Variants in ASH1L observed in about 807,000 individuals in gnomAD.
ASH1L encodes the protein histone-lysine N-methyltransferase ASH1L.
Under a neutral mutation model 269.0 loss-of-function variants are expected in ASH1L, and 23 were observed. The ratio of observed to expected loss-of-function variants is 0.09; its 90% CI spans 0.06 to 0.12. The LOEUF is 0.12. ASH1L is among the 10% of genes least tolerant of loss of function. The probability of loss-of-function intolerance (pLI) is 1.00; values close to 1 mark genes in which losing one functional copy is unlikely to be tolerated. For synonymous variants in ASH1L, 1,187 were observed against 1,253.5 expected (o/e 0.95, Z 1.12); for missense variants, 2,912 against 3,567.8 (o/e 0.82, Z 4.68).
In ASH1L at chr1:155,521,577, T is replaced by TA. The variant is rs1443653124; in HGVS notation, c.-59dup. 10 of 1,494,260 alleles carry TA rather than the reference T, an allele frequency of 6.7e-6. No individual in the cohort carries two copies. The highest frequency in any genetic ancestry group is 4.4e-5 in the Admixed American group (2 of 45,778). The allele number at this position is 1,494,260 out of a possible 1,614,324, so 92.6% of individuals were successfully genotyped here. On this transcript the variant is annotated 5_prime_UTR_variant, in exon 2 of 28. The change abolishes the stop of an existing upstream ORF in the 5' untranslated region. Coordinates refer to ENST00000392403, the MANE Select transcript of ASH1L (RefSeq NM_018489.3). Reference sequence around the variant, plus strand: ...GAAAATTTTACAGAACTGTGTTCCATAAAAAACAAGGATCTCCAAAACTCG... The same window carrying TA: ...GAAAATTTTACAGAACTGTGTTCCATAAAAAAACAAGGATCTCCAAAACTCG...
rs1290886393 is a variant in ASH1L at position 155,478,095 on chromosome 1, G to A, written c.4775C>T (p.Thr1592Ile). The change falls in exon 3 of 28, where the codon ACT (threonine) becomes ATT (isoleucine). Residue 1592 changes from threonine to isoleucine, a missense_variant. By Grantham distance (89) the Thr-to-Ile change is moderately conservative (BLOSUM62 -1). Coordinates refer to ENST00000392403, the MANE Select transcript of ASH1L (RefSeq NM_018489.3). The surrounding 1 kb of genome is among the most constrained non-coding windows in gnomAD (Gnocchi z 4.6). ...ACTGCTGGCTGGCTCAGAGTTGGGA[G>A]TGAATCCTCCAAGGGATAAGCTTGG... ...SSPSLSLGGF[T>I]PNSEPASSDE... is the part of the protein sequence containing the mutation. 1.2e-6 allele frequency: 2 copies of A among 1,614,160 alleles called. No individual in the cohort carries two copies. Among genetic ancestry groups the A allele is most frequent in the East Asian group, 4.5e-5 (2 of 44,876 alleles).
At chr1:155,358,371 TC>T (rs1195044344) in intron 13 of ASH1L, among the ~76,000 whole-genome samples, 1 of 151,948 alleles carries the variant, frequency 6.6e-6, no homozygotes, top group African/African-American at 2.4e-5. Flanking sequence ...AACTGTCCTC[TC>T]CTATATACTT....
At chr1:155,438,279 T>C in intron 5 of ASH1L, 48 bp downstream of exon 5, 1 of 1,493,458 alleles carries the variant, frequency 6.7e-7, no homozygotes, top group Non-Finnish European at 8.9e-7. Context: ...TTACAGTTTT[T>C]CAAAGCTAGT....
At chr1:155,489,499 G>C (rs1267988267) in intron 2 of ASH1L, among the ~76,000 whole-genome samples, 1 of 150,658 alleles carries the variant, frequency 6.6e-6, no homozygotes, top group Non-Finnish European at 1.5e-5. Context: ...GGCTGGGCAC[G>C]GTGGCTCACA....
At chr1:155,392,664 T>C (rs759289294) in intron 7 of ASH1L, among the ~76,000 whole-genome samples, 6 of 152,032 alleles carry the variant, frequency 3.9e-5, no homozygotes, top group Non-Finnish European at 7.4e-5. Flanking sequence ...AATTTTTGTA[T>C]TTTTAGTGCA....
chr1:155,409,782 T>C (rs1553253086), intron 6 of ASH1L, among the ~76,000 whole-genome samples: 1 of 152,124 alleles, frequency 6.6e-6, no homozygotes, highest in Non-Finnish European at 1.5e-5. Flanking sequence ...CAAGATTTTT[T>C]TAAACCTAAA....
At chr1:155,349,677 C>T in intron 17 of ASH1L, 81 bp from the exon 18 acceptor site, 4 of 1,193,650 alleles carry the variant, frequency 3.4e-6, no homozygotes, top group Non-Finnish European at 4.8e-6. Context: ...GAATAGAATC[C>T]CTCAAATTAA....
intron 19 of ASH1L, among the ~76,000 whole-genome samples, chr1:155,348,497 G>C (rs1345658927): frequency 6.6e-6 from 1 of 151,908 alleles, no homozygotes; most frequent in Admixed American, 6.6e-5. Flanking sequence ...AGTCCATCCT[G>C]TCCTTTAAAT....
chr1:155,481,369 T>C lies in ASH1L; in HGVS notation c.1501A>G (p.Ile501Val). 1 of 1,614,170 alleles carries C rather than the reference T, an allele frequency of 6.2e-7. No individual in the cohort carries two copies. The highest frequency in any genetic ancestry group is 2.2e-5 in the East Asian group (1 of 44,890). ...EKEMFNEGTC[I>V]QQDSFSSSEK... ...CTGGATGAGAAACTGTCTTGCTGAATGCATGTTCCTTCATTAAACATTTCT... is the reference window on the plus strand; with the variant it reads ...CTGGATGAGAAACTGTCTTGCTGAACGCATGTTCCTTCATTAAACATTTCT... Residue 501 changes from isoleucine (I) to valine (V), a missense_variant, in exon 3 of 28, where the codon ATT becomes GTT. Physicochemically the swap from Ile to Val is conservative, Grantham distance 29. Transcript: ENST00000392403.
intron 13 of ASH1L, among the ~76,000 whole-genome samples, chr1:155,359,678 CA>C (rs200837977): frequency 0.011 from 1,745 of 152,206 alleles, 36 homozygotes; most frequent in African/African-American, 0.039. Context: ...CGGGCTCAAG[CA>C]ATCTTCCCAC....
At chr1:155,492,419 G>A (rs533642904) in intron 2 of ASH1L, among the ~76,000 whole-genome samples, 7 of 152,130 alleles carry the variant, frequency 4.6e-5, no homozygotes, top group Non-Finnish European at 1.0e-4. Flanking sequence ...TTATTTTTCG[G>A]TTTCTTTTCG....
At chr1:155,404,982 C>A (rs561264219) in intron 6 of ASH1L, among the ~76,000 whole-genome samples, 6 of 151,276 alleles carry the variant, frequency 4.0e-5, no homozygotes. Context: ...AAGCTGAGAC[C>A]GCACCACTGC....
intron 2 of ASH1L, among the ~76,000 whole-genome samples, chr1:155,486,479 A>G (rs756069782): frequency 1.8e-4 from 27 of 152,204 alleles, no homozygotes; most frequent in Non-Finnish European, 2.4e-4. Context: ...TGTTGACAGC[A>G]CAACAGTGTG....
intron 15 of ASH1L, among the ~76,000 whole-genome samples, chr1:155,355,647 G>C (rs1220551381): frequency 6.6e-6 from 1 of 152,184 alleles, no homozygotes; most frequent in Non-Finnish European, 1.5e-5. Context: ...GTTTTTCAAA[G>C]TTCCCCATGC....
At chr1:155,461,803 T>G (rs1570885887) in intron 3 of ASH1L, among the ~76,000 whole-genome samples, 1 of 73,162 alleles carries the variant, frequency 1.4e-5, no homozygotes, top group Non-Finnish European at 3.1e-5. Flanking sequence ...GGTTTGAGGG[T>G]TTTTTTTTTT....
chr1:155,351,461 G>A (rs1264229908), intron 17 of ASH1L, among the ~76,000 whole-genome samples: 1 of 152,046 alleles, frequency 6.6e-6, no homozygotes, highest in Non-Finnish European at 1.5e-5. Context: ...GCTGAGGTGG[G>A]AGAATCATCT....
Position 155,370,431 on chromosome 1 carries a change from A to G in ASH1L, c.6686+73T>C, listed in dbSNP as rs889624941. 38 of 1,588,208 alleles carry G rather than the reference A, an allele frequency of 2.4e-5. No homozygotes were observed. The Admixed American group carries it at 2.7e-4, about 11-fold the overall frequency. ...CTTTGTGTAAGCTGACTGACACTGG[A>G]AAGATCAATCCCTTGCTGCACTCAA... On this transcript the variant is annotated intron_variant, in intron 12 of 27. Coordinates refer to ENST00000392403, the MANE Select transcript of ASH1L (RefSeq NM_018489.3).
At chr1:155,559,681 C>A (rs965646761) in intron 1 of ASH1L, among the ~76,000 whole-genome samples, 2 of 152,096 alleles carry the variant, frequency 1.3e-5, no homozygotes, top group Non-Finnish European at 2.9e-5. Context: ...ATTTCAACTT[C>A]TAGGAATGTT....
At chr1:155,520,511 G>A (rs1004925562) in intron 2 of ASH1L, among the ~76,000 whole-genome samples, 5 of 150,962 alleles carry the variant, frequency 3.3e-5, no homozygotes, top group Non-Finnish European at 5.9e-5. Context: ...CTCTTTTTTC[G>A]GTCAGACACA....
Sources: allele counts gnomAD v4.1 joint callset (sites outside exome capture counted in the v4.1 genomes callset), GRCh38; gene constraint gnomAD v4.1.1; non-coding constraint Gnocchi (gnomAD v3.1); transcripts MANE v1.5; gene names NCBI Gene and HGNC (gene_info 2026-07-23, HGNC 2026-07-21).